The following DNM2 variants were observed in gnomAD, a reference collection of about 807,000 sequenced individuals.
The protein encoded by DNM2 is dynamin 2.
In DNM2, 15 loss-of-function variants were observed where a neutral mutation model predicts 99.0. That is an observed-to-expected ratio of 0.15 (90% CI 0.10 to 0.23). DNM2 has a LOEUF of 0.23. DNM2 is among the 10% of genes least tolerant of loss of function. The pLI is 1.00. For synonymous variants in DNM2, 525 were observed against 481.2 expected, an observed-to-expected ratio of 1.09 and a Z score of -1.19; for missense variants, 742 against 1,189.4, an observed-to-expected ratio of 0.62 and a Z score of 5.53.
chr19:10,806,081 A>G (rs1209190035), intron 13 of DNM2, 114 bp downstream of exon 13: 9 of 1,322,264 alleles, frequency 6.8e-6, no homozygotes, highest in Non-Finnish European at 9.7e-6. Context: ...CCACAGCCTC[A>G]GTACCAGGCC....
chr19:10,760,942 T>C (rs1051508290), intron 2 of DNM2, among the ~76,000 whole-genome samples: 1 of 151,326 alleles, frequency 6.6e-6, no homozygotes, highest in African/African-American at 2.4e-5. Flanking sequence ...ATTATAGGCA[T>C]GAACCATCAC....
chr19:10,778,193 C>T (rs773477980), intron 5 of DNM2, among the ~76,000 whole-genome samples: 15 of 151,928 alleles, frequency 9.9e-5, no homozygotes, highest in Non-Finnish European at 2.1e-4. Flanking sequence ...AGCCACCACG[C>T]GTGGCTAATT....
intron 1 of DNM2, among the ~76,000 whole-genome samples, chr19:10,726,506 A>G (rs1218819484): frequency 1.3e-5 from 2 of 152,100 alleles, no homozygotes; most frequent in Admixed American, 1.3e-4. Flanking sequence ...AGATCCTGAA[A>G]TATCGACCAG....
chr19:10,760,436 A>G (rs1644930321), intron 2 of DNM2, among the ~76,000 whole-genome samples: 1 of 151,952 alleles, frequency 6.6e-6, no homozygotes, highest in Admixed American at 6.6e-5. Flanking sequence ...TTCACGCCCC[A>G]GTGCACCTCC....
Position 10,811,388 on chromosome 19 carries a change from A to G in DNM2, c.1558-876A>G. ...CCCCAGAGGGATTCCTGGAGGCCCC[A>G]TCTCTGGCGCTCCTGCCGTGCCGTG... On this transcript the variant is annotated intron_variant, in intron 14 of 20. Transcript: ENST00000389253. The surrounding 1 kb of genome is among the most constrained non-coding windows in gnomAD (Gnocchi z 5.4). The G allele has an allele frequency of 3.6e-6, 1 of 276,236 alleles. No individual in the cohort carries two copies. The highest frequency in any genetic ancestry group is 7.2e-6 in the Non-Finnish European group (1 of 138,242). 17.1% of individuals were successfully genotyped at this position (276,236 alleles called of 1,614,324 possible).
At position 10,766,951 on chromosome 19, in the gene DNM2, G is replaced by A. The variant is rs538338558; in HGVS notation, c.236-5528G>A. ...CTCCCAGGGAGCCCTCCTGGCTCAG[G>A]GTGCCGGGTGACAGTGGGGGTGTGT... On this transcript the variant is annotated intron_variant, in intron 2 of 20. Transcript: ENST00000389253. 5.9e-5 allele frequency among the ~76,000 whole-genome samples: 9 copies of A among 152,282 alleles called. No homozygotes were observed. In the South Asian group the frequency reaches 1.9e-3, roughly 32 times the overall value.
intron 1 of DNM2, among the ~76,000 whole-genome samples, chr19:10,733,556 A>G (rs2145724075): frequency 6.6e-6 from 1 of 152,278 alleles, no homozygotes; most frequent in Non-Finnish European, 1.5e-5. Flanking sequence ...TACAAAGATA[A>G]CACAGAGAGC....
rs755603323 is a variant in DNM2, at chr19:10,823,791, C to T, written c.1785C>T (p.Asn595=). ...CTCCTTCCCCACCCCCCCGCAGAAA[C>T]GTCTACAAGGACCTGCGGCAGATCG... ...VFAIFNTEQR[N]VYKDLRQIEL... The change falls in exon 17 of 21, where the codon AAC becomes AAT. Residue 595 remains asparagine (N), a synonymous_variant. Transcript: ENST00000389253. 10 of 1,613,340 alleles carry T rather than the reference C, an allele frequency of 6.2e-6. No homozygotes were observed. The highest frequency in any genetic ancestry group is 2.7e-5 in the African/African-American group (2 of 74,878).
intron 5 of DNM2, among the ~76,000 whole-genome samples, chr19:10,779,340 A>G (rs1194477881): frequency 6.6e-6 from 1 of 151,874 alleles, no homozygotes; most frequent in Non-Finnish European, 1.5e-5. Context: ...ACACATCTGT[A>G]ACCTCTCCCA....
At chr19:10,740,192 TTTGG>T (rs1293768882) in intron 1 of DNM2, among the ~76,000 whole-genome samples, 4 of 152,102 alleles carry the variant, frequency 2.6e-5, no homozygotes, top group African/African-American at 7.2e-5. Flanking sequence ...GGTTTGTCAG[TTTGG>T]TTGATCTATT....
At chr19:10,761,717 T>C (rs919905428) in intron 2 of DNM2, among the ~76,000 whole-genome samples, 1 of 152,168 alleles carries the variant, frequency 6.6e-6, no homozygotes, top group Non-Finnish European at 1.5e-5. Flanking sequence ...GGGACCTGCA[T>C]CCAGGCAGAT....
At chr19:10,828,994 G>T in intron 18 of DNM2, 42 bp from the exon 19 acceptor site, 1 of 1,586,392 alleles carries the variant, frequency 6.3e-7, no homozygotes, top group South Asian at 1.1e-5. Flanking sequence ...TTCTGGGTTG[G>T]GGTGATACAC....
intron 17 of DNM2, chr19:10,824,451 A>G: frequency 4.9e-6 from 1 of 202,926 alleles, no homozygotes. Context: ...CAGTGAGCTG[A>G]GATCACGCCA....
intron 2 of DNM2, among the ~76,000 whole-genome samples, chr19:10,762,548 A>T (rs1040707517): frequency 6.6e-6 from 1 of 152,246 alleles, no homozygotes. Context: ...TATTTACTAC[A>T]TGTCAGGGAG....
rs1331072778 is a variant in DNM2, at chr19:10,812,218, G to A, written c.1558-46G>A. ...AAGGCTGCTGCGCTGGGGGATGGCT[G>A]GGGCACGGAGCGAGGTTCCCTGCTA... On this transcript the variant is annotated intron_variant, in intron 14 of 20. Transcript: ENST00000389253. This position sits in a 1 kb window ranked among gnomAD's most constrained non-coding sequence, Gnocchi z 4.0. 1 of 1,506,220 alleles carries A rather than the reference G, an allele frequency of 6.6e-7. No homozygotes were observed. Among genetic ancestry groups the A allele is most frequent in the Non-Finnish European group, 9.0e-7 (1 of 1,109,146 alleles). The allele number at this position is 1,506,220 out of a possible 1,614,324, so 93.3% of individuals were successfully genotyped here. A position where few individuals can be genotyped will look rare whatever the true frequency, so the allele number is the denominator to read the frequency against.
Position 10,796,753 on chromosome 19 carries a change from T to C in DNM2, c.1197-627T>C, listed in dbSNP as rs2071949012. Among the ~76,000 whole-genome samples the C allele has an allele frequency of 6.6e-6, 1 of 152,128 alleles. No homozygotes were observed. Among genetic ancestry groups the C allele is most frequent in the South Asian group, 2.1e-4 (1 of 4,830 alleles). Reference sequence around the variant, plus strand: ...CTGTCCCCCAGGGGCAGCCCATTTTTGGATCCACTTAGTCACAGTGCCTCT... The same window carrying C: ...CTGTCCCCCAGGGGCAGCCCATTTTCGGATCCACTTAGTCACAGTGCCTCT... On this transcript the variant is annotated intron_variant, in intron 9 of 20. Transcript: ENST00000389253. This position sits in a 1 kb window ranked among gnomAD's most constrained non-coding sequence, Gnocchi z 5.6.
rs557214653 is a variant in DNM2, at chr19:10,746,608, C to T, written c.162-13130C>T. The stretch of plus-strand genomic sequence containing the variant: ...GCTAATTTTGTATTTTTAGTAGAGA[C>T]GGGGTTTCTCCCTGTTGGTCAGGCT... On this transcript the variant is annotated intron_variant, in intron 1 of 20. Transcript: ENST00000389253. Among the ~76,000 whole-genome samples the T allele has an allele frequency of 3.5e-3, 533 of 151,562 alleles. 7 individuals carry two copies. Among genetic ancestry groups the T allele is most frequent in the Admixed American group, 1.5e-3 (23 of 15,176 alleles).
chr19:10,731,039 C>A (rs75377925), intron 1 of DNM2, among the ~76,000 whole-genome samples: 5,746 of 152,234 alleles, frequency 0.038, 124 homozygotes, highest in South Asian at 0.098. Context: ...CACACTTTCG[C>A]GGTGATGAGA....
chr19:10,764,872 G>T lies in DNM2; in HGVS notation c.235+5061G>T, dbSNP rs2070744303. Among the ~76,000 whole-genome samples the T allele has an allele frequency of 6.6e-6, 1 of 152,102 alleles. No homozygotes were observed. Among genetic ancestry groups the T allele is most frequent in the Non-Finnish European group, 1.5e-5 (1 of 68,036 alleles). On this transcript the variant is annotated intron_variant, in intron 2 of 20. Transcript: ENST00000389253. The surrounding 1 kb of genome is among the most constrained non-coding windows in gnomAD (Gnocchi z 4.1). ...AACGCCCTGTTCCCTACCTGCCACTGTCTGCTGCTCACCCGCACCTGGTCA... is the reference window on the plus strand; with the variant it reads ...AACGCCCTGTTCCCTACCTGCCACTTTCTGCTGCTCACCCGCACCTGGTCA...
Sources: gnomAD v4.1 joint callset for allele counts (sites outside exome capture counted in the v4.1 genomes callset) on GRCh38, gnomAD v4.1.1 for gene constraint, Gnocchi (gnomAD v3.1) non-coding constraint, MANE v1.5 for transcripts, NCBI Gene and HGNC (gene_info 2026-07-23, HGNC 2026-07-21) for gene names.